Variants in ARHGAP12 observed in about 807,000 individuals in gnomAD.
ARHGAP12 encodes Rho GTPase activating protein 12, also known as rho GTPase-activating protein 12.
ARHGAP12 carries 64 observed loss-of-function variants against 108.6 expected under a neutral mutation model. The observed-to-expected ratio is 0.59, with a 90% CI of 0.48 to 0.73. The LOEUF (loss-of-function observed/expected upper bound fraction) is 0.73, where lower values mean the gene tolerates loss of function less well. ARHGAP12 is among the 30% of genes least tolerant of loss of function. ARHGAP12 has a pLI of 0.00. For missense variants in ARHGAP12, 940 were observed against 1,005.9 expected (o/e 0.93, Z 0.89); for synonymous variants, 312 against 337.2 (o/e 0.93, Z 0.82).
At chr10:31,914,757 AC>A (rs1839486586) in intron 1 of ARHGAP12, among the ~76,000 whole-genome samples, 1 of 152,256 alleles carries the variant, frequency 6.6e-6, no homozygotes, top group Non-Finnish European at 1.5e-5. Context: ...TAAAAATGGA[AC>A]TACTATATGA....
chr10:31,874,818 A>G (rs1163060679), intron 3 of ARHGAP12, among the ~76,000 whole-genome samples: 3 of 151,814 alleles, frequency 2.0e-5, no homozygotes, highest in African/African-American at 7.3e-5. Flanking sequence ...TACTAAAAAT[A>G]CAGAAATTAG....
intron 11 of ARHGAP12, among the ~76,000 whole-genome samples, chr10:31,822,230 C>T (rs1379466614): frequency 6.6e-6 from 1 of 152,194 alleles, no homozygotes; most frequent in Non-Finnish European, 1.5e-5. Context: ...GGGCATGCAA[C>T]AGGAACACAT....
rs536188266 is a variant in ARHGAP12 at position 31,911,603 on chromosome 10, C to G, written c.-110-1040G>C. ...TGCTGGGGCTGCAGGCGCGACCACACCCAGCCTACTTACTAATCTTAAATA... is the reference window on the plus strand; with the variant it reads ...TGCTGGGGCTGCAGGCGCGACCACAGCCAGCCTACTTACTAATCTTAAATA... On this transcript the variant is annotated intron_variant, in intron 1 of 19. Coordinates refer to ENST00000344936, the MANE Select transcript of ARHGAP12 (RefSeq NM_018287.7). 2.6e-5 allele frequency among the ~76,000 whole-genome samples: 4 copies of G among 152,260 alleles called. No homozygotes were observed. The South Asian group carries it at 6.2e-4, about 24-fold the overall frequency.
chr10:31,810,092 A>G (rs1055293556), intron 16 of ARHGAP12, among the ~76,000 whole-genome samples: 3 of 152,182 alleles, frequency 2.0e-5, no homozygotes, highest in African/African-American at 4.8e-5. Context: ...TACAGAGATA[A>G]GTTAATGTGA....
At chr10:31,811,373 T>C (rs181148979) in intron 15 of ARHGAP12, among the ~76,000 whole-genome samples, 60 of 152,356 alleles carry the variant, frequency 3.9e-4, no homozygotes, top group African/African-American at 1.3e-3. Context: ...TACTCTTCTA[T>C]TGATCTTTCA....
chr10:31,907,692 G>C (rs948441352), intron 3 of ARHGAP12, among the ~76,000 whole-genome samples: 2 of 150,142 alleles, frequency 1.3e-5, no homozygotes, highest in Non-Finnish European at 3.0e-5. Flanking sequence ...CTAATACTCA[G>C]TGAAATCAAG....
intron 6 of ARHGAP12, among the ~76,000 whole-genome samples, chr10:31,850,156 G>A (rs1286978305): frequency 2.0e-5 from 3 of 152,244 alleles, no homozygotes; most frequent in Middle Eastern, 3.4e-3. Flanking sequence ...AACTCAACTG[G>A]TATTTGAGGT....
chr10:31,924,091 T>C (rs1839932256), intron 1 of ARHGAP12, among the ~76,000 whole-genome samples: 1 of 152,240 alleles, frequency 6.6e-6, no homozygotes, highest in Non-Finnish European at 1.5e-5. Flanking sequence ...TGGAATTCTC[T>C]TCATTGCTGG....
intron 3 of ARHGAP12, among the ~76,000 whole-genome samples, chr10:31,886,140 G>C (rs1838180139): frequency 2.0e-5 from 3 of 152,192 alleles, no homozygotes; most frequent in Admixed American, 2.0e-4. Context: ...TCTATGCACA[G>C]AGATGAGATT....
chr10:31,860,756 GTCACA>G (rs1441368453), intron 4 of ARHGAP12, among the ~76,000 whole-genome samples: 3 of 152,074 alleles, frequency 2.0e-5, no homozygotes, highest in African/African-American at 7.2e-5. Context: ...ATTTTGCTGG[GTCACA>G]TCACATTTCT....
intron 3 of ARHGAP12, among the ~76,000 whole-genome samples, chr10:31,880,558 T>A (rs1419302567): frequency 6.6e-6 from 1 of 152,210 alleles, no homozygotes; most frequent in Admixed American, 6.5e-5. Flanking sequence ...ATGCCCTGTC[T>A]TGTTATGGTC....
chr10:31,924,766 TA>T (rs1326535283), intron 1 of ARHGAP12, among the ~76,000 whole-genome samples: 17 of 152,318 alleles, frequency 1.1e-4, no homozygotes, highest in African/African-American at 4.1e-4. Flanking sequence ...GTCAGAGGTC[TA>T]AATTTTAAAT....
intron 3 of ARHGAP12, among the ~76,000 whole-genome samples, chr10:31,887,936 C>T (rs1382154159): frequency 5.3e-5 from 8 of 152,132 alleles, no homozygotes; most frequent in African/African-American, 7.2e-5. Context: ...GGATTACAGG[C>T]GTGAGTCACC....
At chr10:31,905,697 T>C (rs1325065610) in intron 3 of ARHGAP12, among the ~76,000 whole-genome samples, 1 of 152,060 alleles carries the variant, frequency 6.6e-6, no homozygotes, top group Non-Finnish European at 1.5e-5. Context: ...ATGAGCACAA[T>C]ACTATAATCT....
chr10:31,891,118 C>T (rs190685125), intron 3 of ARHGAP12, among the ~76,000 whole-genome samples: 29 of 152,252 alleles, frequency 1.9e-4, no homozygotes, highest in African/African-American at 6.7e-4. Context: ...GTTTTGTGAA[C>T]CCATTATACT....
chr10:31,915,954 TAC>T (rs1839537984), intron 1 of ARHGAP12, among the ~76,000 whole-genome samples: 1 of 152,234 alleles, frequency 6.6e-6, no homozygotes, highest in Admixed American at 6.5e-5. Flanking sequence ...AACAAACGTT[TAC>T]AGTTTTAATT....
intron 1 of ARHGAP12, among the ~76,000 whole-genome samples, chr10:31,912,742 C>T (rs562784454): frequency 2.6e-5 from 4 of 151,986 alleles, no homozygotes; most frequent in East Asian, 3.9e-4. Flanking sequence ...TAGTCAATAC[C>T]GGGGTGAAGG....
At chr10:31,922,395 T>C (rs1839862754) in intron 1 of ARHGAP12, among the ~76,000 whole-genome samples, 1 of 149,000 alleles carries the variant, frequency 6.7e-6, no homozygotes, top group Non-Finnish European at 1.5e-5. Flanking sequence ...CCACATGAAG[T>C]AGACAAATTT....
chr10:31,846,042 C>T (rs183730866), intron 6 of ARHGAP12, among the ~76,000 whole-genome samples: 454 of 152,144 alleles, frequency 3.0e-3, no homozygotes, highest in Non-Finnish European at 4.7e-3. Flanking sequence ...TTGAGCCTCT[C>T]GTTATACTTT....
Sources: gnomAD v4.1 joint callset for allele counts (sites outside exome capture counted in the v4.1 genomes callset) on GRCh38, gnomAD v4.1.1 for gene constraint, MANE v1.5 for transcripts, NCBI Gene and HGNC (gene_info 2026-07-23, HGNC 2026-07-21) for gene names.